Variants in ADAMTS19 observed in about 807,000 individuals in gnomAD.
ADAMTS19 encodes ADAM metallopeptidase with thrombospondin type 1 motif 19.
ADAMTS19 carries 93 observed loss-of-function variants against 153.3 expected under a neutral mutation model. That is an observed-to-expected ratio of 0.61 (90% confidence interval 0.51 to 0.72). The LOEUF (loss-of-function observed/expected upper bound fraction) is 0.72, where lower values mean the gene tolerates loss of function less well. Among genes scored for constraint, ADAMTS19 ranks in the 30% least tolerant of loss-of-function variants. ADAMTS19 has a pLI of 0.00. For missense variants in ADAMTS19, 1,482 were observed against 1,552.1 expected (o/e 0.95, Z 0.76); for synonymous variants, 600 against 556.6 (o/e 1.08, Z -1.10).
chr5:129,512,381 C>A (rs1220292827), intron 3 of ADAMTS19, among the ~76,000 whole-genome samples: 2 of 152,050 alleles, frequency 1.3e-5, no homozygotes, highest in African/African-American at 4.8e-5. Flanking sequence ...CATTTCTTCT[C>A]TGACTGGAAG....
chr5:129,596,309 T>A (rs934619772), intron 7 of ADAMTS19, among the ~76,000 whole-genome samples: 1 of 152,102 alleles, frequency 6.6e-6, no homozygotes, highest in Non-Finnish European at 1.5e-5. Flanking sequence ...ATATTATTCC[T>A]TTTGGGAACT....
intron 2 of ADAMTS19, among the ~76,000 whole-genome samples, chr5:129,489,189 C>A (rs1042055680): frequency 6.6e-6 from 1 of 152,184 alleles, no homozygotes; most frequent in Non-Finnish European, 1.5e-5. Flanking sequence ...GGCTTTGGCA[C>A]TGTTCTTTGG....
At chr5:129,462,767 T>C (rs958705484) in intron 2 of ADAMTS19, among the ~76,000 whole-genome samples, 5 of 152,198 alleles carry the variant, frequency 3.3e-5, no homozygotes, top group Non-Finnish European at 7.3e-5. Flanking sequence ...TATTAATTGG[T>C]TTAAGACAAA....
intron 17 of ADAMTS19, 93 bp downstream of exon 17, chr5:129,680,014 A>G: frequency 1.5e-6 from 2 of 1,295,840 alleles, no homozygotes; most frequent in South Asian, 3.3e-5. Context: ...TCAGATTTGA[A>G]TTGTCACACA....
chr5:129,724,819 G>C (rs1757140088), intron 21 of ADAMTS19, among the ~76,000 whole-genome samples: 1 of 152,134 alleles, frequency 6.6e-6, no homozygotes, highest in African/African-American at 2.4e-5. Flanking sequence ...GCATAGCACA[G>C]GAAGAAGCTG....
chr5:129,719,997 G>C (rs530201158), intron 21 of ADAMTS19, among the ~76,000 whole-genome samples: 1 of 151,932 alleles, frequency 6.6e-6, no homozygotes, highest in Admixed American at 6.6e-5. Flanking sequence ...CCCAGATTGC[G>C]CCACTCCTCC....
intron 6 of ADAMTS19, among the ~76,000 whole-genome samples, chr5:129,535,520 C>A (rs1752385447): frequency 1.3e-5 from 2 of 152,194 alleles, no homozygotes; most frequent in South Asian, 2.1e-4. Context: ...CCATCCCCAT[C>A]AAGCTACCAA....
At position 129,528,564 on chromosome 5, in the gene ADAMTS19, T is replaced by G. The variant is rs1465042643; in HGVS notation, c.1215T>G (p.Ser405Arg). ...IGHHGEKMLE[S>R]FCKWQHEEFG... is the part of the protein sequence containing the mutation. ...ATCATGGAGAAAAAATGCTAGAGAGTTTTTGTAAGTGGCAACATGAAGAAT... is the reference window on the plus strand; with the variant it reads ...ATCATGGAGAAAAAATGCTAGAGAGGTTTTGTAAGTGGCAACATGAAGAAT... Residue 405 changes from serine to arginine, a missense_variant, in exon 6 of 23, where the codon AGT becomes AGG. This residue lies in a region of ADAMTS19 where 866 missense variants were observed against 827.7 expected (regional missense o/e 1.05). Transcript: ENST00000274487. 2.5e-6 allele frequency: 4 copies of G among 1,598,996 alleles called. No individual in the cohort carries two copies. Among genetic ancestry groups the G allele is most frequent in the Non-Finnish European group, 3.4e-6 (4 of 1,173,696 alleles).
At chr5:129,647,399 AT>A (rs537400191) in intron 11 of ADAMTS19, among the ~76,000 whole-genome samples, 1 of 151,916 alleles carries the variant, frequency 6.6e-6, no homozygotes, top group Non-Finnish European at 1.5e-5. Context: ...TATTACTCTG[AT>A]TTTTTTGTCC....
At chr5:129,543,015 G>A (rs961131884) in intron 6 of ADAMTS19, among the ~76,000 whole-genome samples, 2 of 144,324 alleles carry the variant, frequency 1.4e-5, no homozygotes, top group African/African-American at 2.5e-5. Flanking sequence ...ACTAGTTTTT[G>A]TTGTTGTTTT....
In ADAMTS19 at chr5:129,461,389, G is replaced by A; in HGVS notation, c.379G>A (p.Glu127Lys). The change falls in exon 2 of 23, where the codon GAG (glutamate) becomes AAG (lysine). Residue 127 changes from glutamate to lysine, a missense_variant. Physicochemically the swap from Glu to Lys is moderately conservative, Grantham distance 56. This residue lies in a region of ADAMTS19 where 866 missense variants were observed against 827.7 expected (regional missense o/e 1.05). Coordinates refer to ENST00000274487, the MANE Select transcript of ADAMTS19 (RefSeq NM_133638.6). The surrounding 1 kb of genome is among the most constrained non-coding windows in gnomAD (Gnocchi z 4.6). ...GGAGGACGAGGAGCTCGAGTCGCAGGAGCTGCCGCGGGGATCCAGCGGGGC... is the reference window on the plus strand; with the variant it reads ...GGAGGACGAGGAGCTCGAGTCGCAGAAGCTGCCGCGGGGATCCAGCGGGGC... ...GEEDEELESQ[E>K]LPRGSSGAAA... The A allele has an allele frequency of 1.5e-6, 2 of 1,351,830 alleles. No homozygotes were observed. The highest frequency in any genetic ancestry group is 4.1e-5 in the Admixed American group (1 of 24,384). The allele number at this position is 1,351,830 out of a possible 1,614,324, so 83.7% of individuals were successfully genotyped here.
chr5:129,673,794 C>G (rs30660), intron 16 of ADAMTS19, among the ~76,000 whole-genome samples: 112,998 of 151,900 alleles, frequency 0.74, 42,297 homozygotes, highest in Non-Finnish European at 0.8. Flanking sequence ...TTAGCATACA[C>G]TTAGGATTGT....
intron 3 of ADAMTS19, among the ~76,000 whole-genome samples, chr5:129,517,401 T>C (rs2126740622): frequency 6.6e-6 from 1 of 152,142 alleles, no homozygotes; most frequent in African/African-American, 2.4e-5. Context: ...TCAGCTATTA[T>C]TGTATTGTGG....
At chr5:129,618,630 T>C (rs1027469241) in intron 8 of ADAMTS19, among the ~76,000 whole-genome samples, 1 of 152,020 alleles carries the variant, frequency 6.6e-6, no homozygotes. Flanking sequence ...GATACTCTCA[T>C]TGTAATTTCC....
At position 129,571,724 on chromosome 5, in the gene ADAMTS19, G is replaced by A. The variant is rs184197000; in HGVS notation, c.1372+19817G>A. ...CAACACAATTTTGAATAGAAAAATC[G>A]TTTCGGAGAAATACTACTCATTATA... On this transcript the variant is annotated intron_variant, in intron 7 of 22. Coordinates refer to ENST00000274487, the MANE Select transcript of ADAMTS19 (RefSeq NM_133638.6). Among the ~76,000 whole-genome samples the A allele has an allele frequency of 3.1e-3, 465 of 151,756 alleles. 9 individuals carry two copies. The highest frequency in any genetic ancestry group is 0.017 in the Middle Eastern group (5 of 294).
chr5:129,505,182 T>G (rs1751231704), intron 2 of ADAMTS19, among the ~76,000 whole-genome samples: 1 of 152,146 alleles, frequency 6.6e-6, no homozygotes, highest in African/African-American at 2.4e-5. Context: ...CAGTGAAACT[T>G]TATCTAAAAA....
rs934190669 is a variant in ADAMTS19, at chr5:129,733,292, A to G, written c.3313-1640A>G. ...CCTTAAAAACAAATGCAACAAAAAC[A>G]AAAAGGCACAAATGGGACTTAAGTA... On this transcript the variant is annotated intron_variant, in intron 21 of 22. Transcript: ENST00000274487. 1.6e-4 allele frequency among the ~76,000 whole-genome samples: 24 copies of G among 152,092 alleles called. 1 individual carries two copies. The highest frequency in any genetic ancestry group is 3.5e-4 in the Non-Finnish European group (24 of 67,986).
chr5:129,561,142 A>G (rs1041018837), intron 7 of ADAMTS19, among the ~76,000 whole-genome samples: 1 of 152,230 alleles, frequency 6.6e-6, no homozygotes, highest in Non-Finnish European at 1.5e-5. Context: ...TATATTATCT[A>G]GAACAATAAA....
intron 7 of ADAMTS19, among the ~76,000 whole-genome samples, chr5:129,585,844 A>G (rs1265675612): frequency 6.6e-6 from 1 of 152,150 alleles, no homozygotes. Context: ...TGTTGCAGAC[A>G]CCTGTCAGCT....
Sources: allele counts gnomAD v4.1 joint callset (sites outside exome capture counted in the v4.1 genomes callset), GRCh38; gene constraint gnomAD v4.1.1; regional missense constraint gnomAD v4.1.1; non-coding constraint Gnocchi (gnomAD v3.1); transcripts MANE v1.5; gene names NCBI Gene and HGNC (gene_info 2026-07-23, HGNC 2026-07-21).